DENND1B: variants seen among roughly 807,000 people sequenced by gnomAD.
DENND1B encodes DENN domain containing 1B.
In DENND1B, 59 loss-of-function variants were observed where a neutral mutation model predicts 90.1. That is an observed-to-expected ratio of 0.65 (90% CI 0.53 to 0.81). The LOEUF is 0.81. Among genes scored for constraint, DENND1B ranks in the 40% least tolerant of loss-of-function variants. DENND1B has a pLI of 0.00. For synonymous variants in DENND1B, 337 were observed against 324.6 expected (o/e 1.04, Z -0.41); for missense variants, 862 against 912.6 (o/e 0.94, Z 0.71).
chr1:197,633,111 A>C (rs976413388), intron 10 of DENND1B, among the ~76,000 whole-genome samples: 2 of 152,216 alleles, frequency 1.3e-5, no homozygotes, highest in African/African-American at 4.8e-5. Flanking sequence ...ATGGGTAATA[A>C]AAGGAAGCCA....
intron 10 of DENND1B, among the ~76,000 whole-genome samples, chr1:197,636,893 G>A (rs1679845185): frequency 6.6e-6 from 1 of 152,042 alleles, no homozygotes; most frequent in African/African-American, 2.4e-5. Context: ...GCCCTTTATA[G>A]TAGGAGAAGG....
At chr1:197,598,297 G>C (rs764646521) in intron 13 of DENND1B, among the ~76,000 whole-genome samples, 1 of 151,728 alleles carries the variant, frequency 6.6e-6, no homozygotes, top group Non-Finnish European at 1.5e-5. Context: ...GGGCAGCTAA[G>C]TGTTTCTACA....
intron 15 of DENND1B, among the ~76,000 whole-genome samples, chr1:197,581,362 C>T (rs1266982151): frequency 6.6e-6 from 1 of 152,094 alleles, no homozygotes; most frequent in Non-Finnish European, 1.5e-5. Flanking sequence ...CTTTGGTTGA[C>T]CATTTTCATA....
chr1:197,553,257 A>G, intron 15 of DENND1B, 145 bp from the exon 16 acceptor site: 2 of 555,132 alleles, frequency 3.6e-6, no homozygotes, highest in Non-Finnish European at 5.8e-6. Context: ...TATATGGTGT[A>G]TATATACACA....
intron 3 of DENND1B, among the ~76,000 whole-genome samples, chr1:197,686,713 ATCTG>A (rs1657268644): frequency 6.6e-6 from 1 of 151,724 alleles, no homozygotes; most frequent in Non-Finnish European, 1.5e-5. Flanking sequence ...CTTCCTAGAT[ATCTG>A]TCTCTTTTTT....
intron 9 of DENND1B, among the ~76,000 whole-genome samples, chr1:197,643,685 T>G (rs1315752566): frequency 1.3e-5 from 2 of 152,202 alleles, no homozygotes; most frequent in Admixed American, 1.3e-4. Flanking sequence ...TTATACTTCA[T>G]GTCACGCTTG....
chr1:197,600,823 C>G (rs903554876), intron 13 of DENND1B, among the ~76,000 whole-genome samples: 1 of 151,774 alleles, frequency 6.6e-6, no homozygotes, highest in African/African-American at 2.4e-5. Context: ...ATCCCATCCT[C>G]AGTGCAACTG....
At chr1:197,634,132 G>A (rs941375060) in intron 10 of DENND1B, among the ~76,000 whole-genome samples, 5 of 152,152 alleles carry the variant, frequency 3.3e-5, no homozygotes, top group African/African-American at 1.2e-4. Flanking sequence ...CCCAGATAGG[G>A]CTTCTTCCCT....
At chr1:197,691,926 G>A (rs1253245251) in intron 3 of DENND1B, among the ~76,000 whole-genome samples, 1 of 151,904 alleles carries the variant, frequency 6.6e-6, no homozygotes, top group Non-Finnish European at 1.5e-5. Flanking sequence ...CACAGAAGCA[G>A]AAAGTAGAAT....
At chr1:197,736,013 C>T (rs748316954) in intron 2 of DENND1B, 29 of 995,068 alleles carry the variant, frequency 2.9e-5, no homozygotes, top group Non-Finnish European at 4.4e-5. Context: ...AAAAACACTG[C>T]AATGGCTGCT....
intron 2 of DENND1B, among the ~76,000 whole-genome samples, chr1:197,716,354 A>G (rs2102245792): frequency 6.6e-6 from 1 of 151,822 alleles, no homozygotes; most frequent in Non-Finnish European, 1.5e-5. Flanking sequence ...AAAATCAATA[A>G]TTTAAAACAT....
intron 20 of DENND1B, among the ~76,000 whole-genome samples, chr1:197,524,231 T>G (rs1038168975): frequency 6.6e-6 from 1 of 152,178 alleles, no homozygotes; most frequent in Non-Finnish European, 1.5e-5. Flanking sequence ...TTCATTAATT[T>G]TTTTTTGGTA....
chr1:197,599,729 G>A (rs956438476), intron 13 of DENND1B, among the ~76,000 whole-genome samples: 1 of 151,688 alleles, frequency 6.6e-6, no homozygotes, highest in Non-Finnish European at 1.5e-5. Flanking sequence ...TCTATTCGAA[G>A]ATTAAAACAG....
At position 197,525,298 on chromosome 1, in the gene DENND1B, C is replaced by T. The variant is rs141997656; in HGVS notation, c.1516-12345G>A. On this transcript the variant is annotated intron_variant, in intron 20 of 22. Coordinates refer to ENST00000620048, the MANE Select transcript of DENND1B (RefSeq NM_001195215.2). ...TTGAAAATGCAAATTCTACCAAAGA[C>T]CCTGCACTAACTTTTCAGGACCAAA... 5.4e-3 allele frequency among the ~76,000 whole-genome samples: 820 copies of T among 152,106 alleles called. 21 individuals carry two copies. Among genetic ancestry groups the T allele is most frequent in the Admixed American group, 0.048 (736 of 15,276 alleles).
At chr1:197,520,680 A>T (rs968543074) in intron 20 of DENND1B, among the ~76,000 whole-genome samples, 1 of 151,964 alleles carries the variant, frequency 6.6e-6, no homozygotes, top group Non-Finnish European at 1.5e-5. Context: ...TGTGCAAAAC[A>T]AGGGTACATT....
At chr1:197,633,147 C>T (rs768096537) in intron 10 of DENND1B, among the ~76,000 whole-genome samples, 1 of 152,080 alleles carries the variant, frequency 6.6e-6, no homozygotes, top group Non-Finnish European at 1.5e-5. Flanking sequence ...GCCTCTTGAC[C>T]AGTTACATAA....
rs904632335 is a variant in DENND1B at position 197,768,217 on chromosome 1, GCTC to G, written c.82+4648_82+4650del. On this transcript the variant is annotated intron_variant, in intron 2 of 22. Coordinates refer to ENST00000620048, the MANE Select transcript of DENND1B (RefSeq NM_001195215.2). Reference sequence around the variant, plus strand: ...TCCTTCTCCTCCTCCTCTTCCTCCTGCTCCTCCTCCTCCTTCTCTTCCTCCTCC... The same window carrying G: ...TCCTTCTCCTCCTCCTCTTCCTCCTGCTCCTCCTCCTTCTCTTCCTCCTCC... Among the ~76,000 whole-genome samples the G allele has an allele frequency of 3.5e-5, 5 of 141,188 alleles. 1 individual carries two copies. Among genetic ancestry groups the G allele is most frequent in the Admixed American group, 2.8e-4 (4 of 14,280 alleles). 92.6% of individuals were successfully genotyped at this position (141,188 alleles called of 152,430 possible). A position where few individuals can be genotyped will look rare whatever the true frequency, so the allele number is the denominator to read the frequency against.
intron 15 of DENND1B, among the ~76,000 whole-genome samples, chr1:197,554,518 C>G (rs1040565954): frequency 1.3e-5 from 2 of 151,924 alleles, no homozygotes; most frequent in Admixed American, 1.3e-4. Context: ...TTGTATAGGA[C>G]AATACAATAT....
At chr1:197,631,604 G>A (rs765376670) in intron 10 of DENND1B, among the ~76,000 whole-genome samples, 9 of 151,520 alleles carry the variant, frequency 5.9e-5, no homozygotes, top group Admixed American at 5.3e-4. Flanking sequence ...AAAACTGATC[G>A]CAAACCACCA....
Sources: gnomAD v4.1 joint callset for allele counts (sites outside exome capture counted in the v4.1 genomes callset) on GRCh38, gnomAD v4.1.1 for gene constraint, MANE v1.5 for transcripts, NCBI Gene and HGNC (gene_info 2026-07-23, HGNC 2026-07-21) for gene names.